PAN3: variants seen among roughly 807,000 people sequenced by gnomAD.
The protein encoded by PAN3 is PAN2-PAN3 deadenylation complex subunit PAN3.
Under a neutral mutation model 96.2 loss-of-function variants are expected in PAN3, and 19 were observed. The observed-to-expected ratio is 0.20, with a 90% CI of 0.14 to 0.29. The LOEUF (loss-of-function observed/expected upper bound fraction) is 0.29. Ranked by LOEUF, PAN3 falls within the 10% of genes least tolerant of loss-of-function variation. The pLI is 1.00. For synonymous variants in PAN3, 433 were observed against 406.6 expected (o/e 1.06, Z -0.78); for missense variants, 882 against 1,108.1 (o/e 0.80, Z 2.90).
intron 1 of PAN3, among the ~76,000 whole-genome samples, chr13:28,163,123 A>G (rs1873092811): frequency 6.6e-6 from 1 of 151,828 alleles, no homozygotes; most frequent in Admixed American, 6.6e-5. Flanking sequence ...AGCTCACTGC[A>G]GCCTCAATTT....
At chr13:28,164,654 A>T (rs1453068530) in intron 1 of PAN3, among the ~76,000 whole-genome samples, 1 of 152,220 alleles carries the variant, frequency 6.6e-6, no homozygotes, top group Non-Finnish European at 1.5e-5. Context: ...CATCCTGGGA[A>T]GTTGTACAGT....
chr13:28,175,862 A>C (rs1396620199), intron 2 of PAN3, among the ~76,000 whole-genome samples: 1 of 152,178 alleles, frequency 6.6e-6, no homozygotes, highest in Non-Finnish European at 1.5e-5. Flanking sequence ...GACATTAAAT[A>C]AGAAGTTGAG....
intron 14 of PAN3, 148 bp downstream of exon 14, chr13:28,272,219 C>A: frequency 2.1e-6 from 1 of 465,994 alleles, no homozygotes; most frequent in Non-Finnish European, 3.8e-6. Flanking sequence ...ATCTCCCCCT[C>A]CCCTCCCTCT....
At chr13:28,227,766 A>ATCC (rs1882155804) in intron 6 of PAN3, among the ~76,000 whole-genome samples, 1 of 152,206 alleles carries the variant, frequency 6.6e-6, no homozygotes, top group Non-Finnish European at 1.5e-5. Context: ...TAGACTTAAG[A>ATCC]AAGATTTTAG....
chr13:28,259,461 A>T (rs1410296334), intron 7 of PAN3, among the ~76,000 whole-genome samples: 1 of 151,834 alleles, frequency 6.6e-6, no homozygotes, highest in Non-Finnish European at 1.5e-5. Flanking sequence ...GCATGCCACC[A>T]CACCCGGCTA....
At chr13:28,227,043 G>A (rs1882079305) in intron 6 of PAN3, among the ~76,000 whole-genome samples, 1 of 152,176 alleles carries the variant, frequency 6.6e-6, no homozygotes, top group South Asian at 2.1e-4. Flanking sequence ...CTAGAAGGAA[G>A]CTCCTCTGTG....
intron 9 of PAN3, 55 bp from the exon 10 acceptor site, chr13:28,266,660 A>G: frequency 1.5e-6 from 2 of 1,359,872 alleles, no homozygotes; most frequent in Non-Finnish European, 2.0e-6. Context: ...TGTATTTTTG[A>G]GAAAGATTTA....
chr13:28,168,863 A>G (rs149434242), intron 1 of PAN3, among the ~76,000 whole-genome samples: 437 of 151,374 alleles, frequency 2.9e-3, no homozygotes, highest in African/African-American at 9.5e-3. Flanking sequence ...TTAAAAATAC[A>G]AAAAATTACT....
intron 1 of PAN3, among the ~76,000 whole-genome samples, chr13:28,167,082 ATTTTTTTTTT>A (rs1158467405): frequency 8.5e-6 from 1 of 118,338 alleles, no homozygotes; most frequent in Non-Finnish European, 1.8e-5. Context: ...TTTTATCTTA[ATTTTTTTTTT>A]TTTTTTTTTT....
chr13:28,202,635 G>A (rs574632455), intron 5 of PAN3, among the ~76,000 whole-genome samples: 1 of 151,642 alleles, frequency 6.6e-6, no homozygotes, highest in Admixed American at 6.6e-5. Context: ...TACACAGCAG[G>A]CAGGATAGAA....
chr13:28,157,504 A>C (rs974271495), intron 1 of PAN3, among the ~76,000 whole-genome samples: 1 of 152,232 alleles, frequency 6.6e-6, no homozygotes, highest in Non-Finnish European at 1.5e-5. Context: ...AAACAACTTC[A>C]GCAAAGTTTC....
Position 28,293,173 on chromosome 13 carries a change from A to G in PAN3, c.*651A>G, listed in dbSNP as rs1869959802. 6.6e-6 allele frequency: 1 copy of G among 152,180 alleles called. No individual in the cohort carries two copies. Among genetic ancestry groups the G allele is most frequent in the Non-Finnish European group, 1.5e-5 (1 of 68,044 alleles). The allele number at this position is 152,180 out of a possible 1,614,324, so 9.4% of individuals were successfully genotyped here. On this transcript the variant is annotated 3_prime_UTR_variant, in exon 19 of 19. Coordinates refer to ENST00000380958, the MANE Select transcript of PAN3 (RefSeq NM_175854.8). The stretch of plus-strand genomic sequence containing the variant: ...ATGAATTCCCTGTTAGTTGATTTAA[A>G]TCCTTTCTGAATAAAGATCAGATAA...
intron 1 of PAN3, among the ~76,000 whole-genome samples, chr13:28,152,591 A>C (rs1033229469): frequency 1.2e-4 from 18 of 152,068 alleles, no homozygotes; most frequent in Non-Finnish European, 2.1e-4. Context: ...TGAAAAAAAA[A>C]CCAAAAAACA....
intron 4 of PAN3, among the ~76,000 whole-genome samples, chr13:28,180,460 A>G (rs1875626602): frequency 6.6e-6 from 1 of 152,226 alleles, no homozygotes; most frequent in Admixed American, 6.5e-5. Context: ...TCTTTACATT[A>G]GAAATACTCT....
intron 1 of PAN3, among the ~76,000 whole-genome samples, chr13:28,166,984 A>G (rs1593394416): frequency 6.6e-6 from 1 of 151,918 alleles, no homozygotes; most frequent in Admixed American, 6.6e-5. Flanking sequence ...GCAATCTGAA[A>G]TGTCTTTGGG....
chr13:28,179,407 C>G (rs1875470633), intron 4 of PAN3, among the ~76,000 whole-genome samples: 1 of 152,110 alleles, frequency 6.6e-6, no homozygotes, highest in Admixed American at 6.6e-5. Context: ...ATCACTTTTT[C>G]TCATTTATAA....
chr13:28,171,715 C>A (rs1874325756), intron 1 of PAN3, among the ~76,000 whole-genome samples: 1 of 152,174 alleles, frequency 6.6e-6, no homozygotes, highest in Non-Finnish European at 1.5e-5. Flanking sequence ...TGTTCACCGG[C>A]CCACAAACTC....
At chr13:28,258,149 C>T (rs1040175264) in intron 7 of PAN3, among the ~76,000 whole-genome samples, 3 of 151,978 alleles carry the variant, frequency 2.0e-5, no homozygotes, top group African/African-American at 7.2e-5. Flanking sequence ...AGGAAACCAA[C>T]ACAAGAAAAA....
intron 5 of PAN3, among the ~76,000 whole-genome samples, chr13:28,217,654 A>T (rs1033957357): frequency 6.6e-6 from 1 of 152,080 alleles, no homozygotes; most frequent in African/African-American, 2.4e-5. Flanking sequence ...CTATTGAATG[A>T]ACATTAATTT....
Sources: gnomAD v4.1 joint callset for allele counts (sites outside exome capture counted in the v4.1 genomes callset) on GRCh38, gnomAD v4.1.1 for gene constraint, MANE v1.5 for transcripts, NCBI Gene and HGNC (gene_info 2026-07-23, HGNC 2026-07-21) for gene names.